Variants in PHF19 observed in about 807,000 individuals in gnomAD.
The protein encoded by PHF19 is polycomb like 3.
A neutral mutation model predicts 79.8 loss-of-function variants in PHF19; 21 were observed. The observed-to-expected ratio is 0.26, with a 90% CI of 0.19 to 0.38. The LOEUF (loss-of-function observed/expected upper bound fraction) is 0.38, where lower values mean the gene tolerates loss of function less well. Ranked by LOEUF, PHF19 falls within the 10% of genes least tolerant of loss-of-function variation. PHF19 has a pLI of 1.00. For missense variants in PHF19, 445 were observed against 744.2 expected (o/e 0.60, Z 4.68); for synonymous variants, 273 against 296.3 (o/e 0.92, Z 0.81).
Position 120,860,793 on chromosome 9 carries a change from T to C in PHF19, c.1304+296A>G, listed in dbSNP as rs1241920509. On this transcript the variant is annotated intron_variant, in intron 13 of 14. Transcript: ENST00000373896. The surrounding 1 kb of genome is among the most constrained non-coding windows in gnomAD (Gnocchi z 4.1). ...AGAAGCAGGGTCCTGAGTTTTCAGA[T>C]GGGCTAGGGCAAGGCAAAGGGTATC... 6.3e-6 allele frequency: 2 copies of C among 314,994 alleles called. No individual in the cohort carries two copies. The highest frequency in any genetic ancestry group is 1.2e-5 in the Non-Finnish European group (2 of 162,550). 19.5% of individuals were successfully genotyped at this position (314,994 alleles called of 1,614,324 possible). A position where few individuals can be genotyped will look rare whatever the true frequency, so the allele number is the denominator to read the frequency against.
Position 120,869,688 on chromosome 9 carries a change from A to T in PHF19, c.465+157T>A. 1 of 1,552,164 alleles carries T rather than the reference A, an allele frequency of 6.4e-7. No individual in the cohort carries two copies. The highest frequency in any genetic ancestry group is 8.7e-7 in the Non-Finnish European group (1 of 1,147,110). On this transcript the variant is annotated intron_variant, in intron 5 of 14. Coordinates refer to ENST00000373896, the MANE Select transcript of PHF19 (RefSeq NM_015651.3). The surrounding 1 kb of genome is among the most constrained non-coding windows in gnomAD (Gnocchi z 5.8). Reference sequence around the variant, plus strand: ...GAGGAAACTGAGGCTCAGGGAGTCTACAAATCCTGGCCAAGGACAGTGGCA... The same window carrying T: ...GAGGAAACTGAGGCTCAGGGAGTCTTCAAATCCTGGCCAAGGACAGTGGCA...
upstream of PHF19, among the ~76,000 whole-genome samples, chr9:120,877,768 G>A (rs1200717646): frequency 2.0e-5 from 3 of 152,188 alleles, no homozygotes; most frequent in East Asian, 5.8e-4. Flanking sequence ...ACAACACACA[G>A]TGCACAACGC....
At chr9:120,901,268 C>T in the PHF19 span, among the ~76,000 whole-genome samples, 4 of 152,160 alleles carry the variant, frequency 2.6e-5, no homozygotes, top group Non-Finnish European at 4.4e-5. Flanking sequence ...CCTCAGCTCA[C>T]TGCAACCTCT....
At chr9:120,861,741 TG>T (rs910316552) in intron 12 of PHF19, among the ~76,000 whole-genome samples, 176 bp downstream of exon 12, 2 of 151,926 alleles carry the variant, frequency 1.3e-5, no homozygotes, top group African/African-American at 4.8e-5. Context: ...TGGGAGAACT[TG>T]GGGGGAGATA....
At position 120,863,941 on chromosome 9, in the gene PHF19, G is replaced by A. The variant is rs928851704; in HGVS notation, c.968+108C>T. ...GAGAATGGAAATGATTCAGAGAGAA[G>A]GGGAGTATCAGAGAGGCAGGGAGCA... On this transcript the variant is annotated intron_variant, in intron 10 of 14. Transcript: ENST00000373896. The A allele has an allele frequency of 4.5e-6, 4 of 890,692 alleles. No homozygotes were observed. In the East Asian group the frequency reaches 8.0e-5, roughly 18 times the overall value. 55.2% of individuals were successfully genotyped at this position (890,692 alleles called of 1,614,324 possible). A position where few individuals can be genotyped will look rare whatever the true frequency, so the allele number is the denominator to read the frequency against.
chr9:120,896,225 TA>T (rs1192344546), upstream of PHF19, among the ~76,000 whole-genome samples: 1 of 152,134 alleles, frequency 6.6e-6, no homozygotes, highest in African/African-American at 2.4e-5. Flanking sequence ...ATAATAACAC[TA>T]GCTAGTGTTT....
At chr9:120,876,955 A>C in intron 1 of PHF19, 136 bp downstream of exon 1, 60 of 855,142 alleles carry the variant, frequency 7.0e-5, no homozygotes, top group Non-Finnish European at 8.0e-5. Context: ...CCCACCCCCG[A>C]GAGCCCCGCT....
Position 120,864,061 on chromosome 9 carries a change from C to T in PHF19, c.956G>A (p.Ser319Asn), listed in dbSNP as rs1318166736. 2 of 1,613,816 alleles carry T rather than the reference C, an allele frequency of 1.2e-6. No individual in the cohort carries two copies. Among genetic ancestry groups the T allele is most frequent in the East Asian group, 2.2e-5 (1 of 44,872 alleles). Reference sequence around the variant, plus strand: ...TCCCTGCACGCACCGGCTTTTATAACTGTTCAGAGCGTTGAGGAGATGTGG... The same window carrying T: ...TCCCTGCACGCACCGGCTTTTATAATTGTTCAGAGCGTTGAGGAGATGTGG... Reference protein sequence around the residue: ...RGPHLLNALNSYKSRFLCGKE... With the variant: ...RGPHLLNALNNYKSRFLCGKE... The change falls in exon 10 of 15, where the codon AGT becomes AAT. Residue 319 changes from serine (S) to asparagine (N), a missense_variant. Transcript: ENST00000373896.
At chr9:120,865,440 G>A (rs2045670386) in intron 9 of PHF19, among the ~76,000 whole-genome samples, 2 of 152,228 alleles carry the variant, frequency 1.3e-5, no homozygotes, top group Admixed American at 1.3e-4. Flanking sequence ...GAAATCTGGA[G>A]TGGGTCAAAC....
At chr9:120,890,220 G>A (rs1436794763) in intron 1 of PHF19, among the ~76,000 whole-genome samples, 2 of 150,212 alleles carry the variant, frequency 1.3e-5, no homozygotes, top group African/African-American at 2.5e-5. Flanking sequence ...ACAGGCAGAT[G>A]CTGTTGGACC....
At chr9:120,877,461 C>G (rs1192533691), upstream of PHF19, 18 of 632,096 alleles carry the variant, frequency 2.8e-5, no homozygotes, top group Non-Finnish European at 3.5e-5. Context: ...GCCCCGCGGG[C>G]GCGCATCCTC....
Position 120,861,179 on chromosome 9 carries a change from G to T in PHF19, c.1219-5C>A, listed in dbSNP as rs746208098. The T allele has an allele frequency of 1.3e-6, 2 of 1,554,662 alleles. No individual in the cohort carries two copies. Among genetic ancestry groups the T allele is most frequent in the East Asian group, 4.5e-5 (2 of 44,638 alleles). On this transcript the variant is annotated splice_polypyrimidine_tract_variant and splice_region_variant and intron_variant, in intron 12 of 14. Transcript: ENST00000373896. ...CCAGGCTGAGGTGAAGTCACTCTGT[G>T]GACACAGGAAGGAGAGAGGAAGGGT...
At chr9:120,876,919 C>A in intron 1 of PHF19, 172 bp downstream of exon 1, 2 of 962,346 alleles carry the variant, frequency 2.1e-6, no homozygotes, top group Non-Finnish European at 2.5e-6. Flanking sequence ...GCCCCTCTGC[C>A]CCGCAGGTAA....
rs912424812 is a variant in PHF19, at chr9:120,874,939, G to T, written c.-15-183C>A. Among the ~76,000 whole-genome samples the T allele has an allele frequency of 1.3e-5, 2 of 152,144 alleles. No individual in the cohort carries two copies. Among genetic ancestry groups the T allele is most frequent in the Non-Finnish European group, 2.9e-5 (2 of 68,026 alleles). The stretch of plus-strand genomic sequence containing the variant: ...ATTATTATTCACATCTTACAGATAG[G>T]GAAACAGGTGTGGCAAGGAGAAGAG... On this transcript the variant is annotated intron_variant, in intron 1 of 14. Coordinates refer to ENST00000373896, the MANE Select transcript of PHF19 (RefSeq NM_015651.3). This position sits in a 1 kb window ranked among gnomAD's most constrained non-coding sequence, Gnocchi z 4.5.
Position 120,857,728 on chromosome 9 carries a change from CA to C in PHF19, c.*215del. On this transcript the variant is annotated 3_prime_UTR_variant, in exon 15 of 15. Transcript: ENST00000373896. ...TGTGGAGTGTGTAGAGACACAGGCACAGGGGTAACGAGCCTGAGGAGGCCCT... is the reference window on the plus strand; with the variant it reads ...TGTGGAGTGTGTAGAGACACAGGCACGGGGTAACGAGCCTGAGGAGGCCCT... The C allele has an allele frequency of 5.9e-6, 3 of 512,042 alleles. No homozygotes were observed. The South Asian group carries it at 9.7e-5, about 17-fold the overall frequency. The allele number at this position is 512,042 out of a possible 1,614,324, so 31.7% of individuals were successfully genotyped here. A position where few individuals can be genotyped will look rare whatever the true frequency, so the allele number is the denominator to read the frequency against.
chr9:120,895,809 C>T (rs1312573094), upstream of PHF19, among the ~76,000 whole-genome samples: 1 of 152,094 alleles, frequency 6.6e-6, no homozygotes, highest in Non-Finnish European at 1.5e-5. Context: ...TGCACCACCA[C>T]ACCCAGCTAA....
In PHF19 at chr9:120,885,317, C is replaced by T. The variant is rs562209185; in HGVS notation, c.42+9471G>A. Among the ~76,000 whole-genome samples the T allele has an allele frequency of 1.8e-4, 27 of 152,094 alleles. No individual in the cohort carries two copies. In the South Asian group the frequency reaches 2.1e-3, roughly 12 times the overall value. The stretch of plus-strand genomic sequence containing the variant: ...AGGAGAGGTTCGGCGCAGTGGTTCA[C>T]GCCTGTAATCCTAGCACTTTGGGAG... On this transcript the variant is annotated intron_variant, in intron 1 of 14. Transcript: ENST00000616568.
intron 6 of PHF19, chr9:120,868,422 A>G (rs1174294999): frequency 6.6e-6 from 1 of 152,310 alleles, no homozygotes; most frequent in East Asian, 1.9e-4. Context: ...TCTGCTCATA[A>G]TCACCACATG....
Position 120,866,210 on chromosome 9 carries a change from C to G in PHF19, c.711-114G>C. On this transcript the variant is annotated intron_variant, in intron 7 of 14. Coordinates refer to ENST00000373896, the MANE Select transcript of PHF19 (RefSeq NM_015651.3). This position sits in a 1 kb window ranked among gnomAD's most constrained non-coding sequence, Gnocchi z 5.2. The stretch of plus-strand genomic sequence containing the variant: ...CTACCTTCCCATAATCTTCTCACTC[C>G]TAGGACTGCTGGCCACTGGGGGTCA... 3.8e-6 allele frequency: 3 copies of G among 793,398 alleles called. No homozygotes were observed. The highest frequency in any genetic ancestry group is 4.4e-6 in the Non-Finnish European group (2 of 451,416). The allele number at this position is 793,398 out of a possible 1,614,324, so 49.1% of individuals were successfully genotyped here. A position where few individuals can be genotyped will look rare whatever the true frequency, so the allele number is the denominator to read the frequency against.
Sources: gnomAD v4.1 joint callset for allele counts (sites outside exome capture counted in the v4.1 genomes callset) on GRCh38, gnomAD v4.1.1 for gene constraint, Gnocchi (gnomAD v3.1) non-coding constraint, MANE v1.5 for transcripts, NCBI Gene and HGNC (gene_info 2026-07-23, HGNC 2026-07-21) for gene names.